The following SCN11A variants were observed in gnomAD, a reference collection of about 807,000 sequenced individuals.
The protein encoded by SCN11A is sodium voltage-gated channel alpha subunit 11.
SCN11A carries 122 observed loss-of-function variants against 162.2 expected under a neutral mutation model. That is an observed-to-expected ratio of 0.75 (90% CI 0.65 to 0.87). SCN11A has a LOEUF of 0.87. Among genes scored for constraint, SCN11A ranks in the 40% least tolerant of loss-of-function variants. The pLI is 0.00. For synonymous variants in SCN11A, 758 were observed against 751.5 expected (o/e 1.01, Z -0.14); for missense variants, 2,015 against 2,181.6 (o/e 0.92, Z 1.52).
chr3:38,934,248 C>T (rs1173102818), intron 7 of SCN11A, among the ~76,000 whole-genome samples: 1 of 152,190 alleles, frequency 6.6e-6, no homozygotes, highest in Non-Finnish European at 1.5e-5. Flanking sequence ...AAAGAACAAC[C>T]GATACCAGCC....
chr3:38,964,461 G>C (rs1415678996), intron 2 of SCN11A, among the ~76,000 whole-genome samples: 5 of 152,190 alleles, frequency 3.3e-5, no homozygotes, highest in Non-Finnish European at 7.3e-5. Context: ...AGAAAGAACA[G>C]GTGTGCTGAG....
chr3:38,847,317 C>T lies in SCN11A; in HGVS notation c.4753G>A (p.Val1585Ile). 1 of 1,614,176 alleles carries T rather than the reference C, an allele frequency of 6.2e-7. No individual in the cohort carries two copies. The highest frequency in any genetic ancestry group is 8.5e-7 in the Non-Finnish European group (1 of 1,180,024). The change falls in exon 30 of 30, where the codon GTC (valine) becomes ATC (isoleucine). Residue 1585 changes from valine (V) to isoleucine (I), a missense_variant. By Grantham distance (29) the Val-to-Ile change is conservative (BLOSUM62 3). Coordinates refer to ENST00000302328, the MANE Select transcript of SCN11A (RefSeq NM_001349253.2). ...HLPGIATSYFVSYIIISFLIV... is the reference protein window; with the variant it reads ...HLPGIATSYFISYIIISFLIV... ...AGAAAGGAGATGATAATGTAACTGA[C>T]AAAGTAGGATGTGGCTATGCCAGGG...
Position 38,886,249 on chromosome 3 carries a change from G to A in SCN11A, c.2836-11C>T, listed in dbSNP as rs2065398836. On this transcript the variant is annotated splice_polypyrimidine_tract_variant and intron_variant, in intron 19 of 29. Transcript: ENST00000302328. The stretch of plus-strand genomic sequence containing the variant: ...ATGGAGCTCATAGGCCTAACACAGA[G>A]AGCCCAGAATAGAATTAATATTCCT... 6.4e-7 allele frequency: 1 copy of A among 1,564,296 alleles called. No individual in the cohort carries two copies. Among genetic ancestry groups the A allele is most frequent in the South Asian group, 1.1e-5 (1 of 89,630 alleles).
intron 1 of SCN11A, among the ~76,000 whole-genome samples, chr3:39,047,757 C>T (rs969424975): frequency 1.3e-5 from 2 of 151,798 alleles, no homozygotes; most frequent in Non-Finnish European, 2.9e-5. Flanking sequence ...TATAAATAGC[C>T]AACAAATACA....
At chr3:38,886,535 T>C (rs1177690078) in intron 19 of SCN11A, among the ~76,000 whole-genome samples, 1 of 152,172 alleles carries the variant, frequency 6.6e-6, no homozygotes, top group Non-Finnish European at 1.5e-5. Context: ...AGATTTAATA[T>C]AATTTACATG....
chr3:39,006,107 CT>C (rs1473228905), intron 2 of SCN11A, among the ~76,000 whole-genome samples: 2 of 152,158 alleles, frequency 1.3e-5, no homozygotes, highest in Admixed American at 1.3e-4. Flanking sequence ...GATAAGAAGG[CT>C]TATGACAATC....
At position 38,925,406 on chromosome 3, in the gene SCN11A, G is replaced by A. The variant is rs1202469280; in HGVS notation, c.712+9C>T. The A allele has an allele frequency of 1.3e-6, 2 of 1,579,650 alleles. No individual in the cohort carries two copies. The highest frequency in any genetic ancestry group is 2.7e-5 in the African/African-American group (2 of 74,172). On this transcript the variant is annotated intron_variant, in intron 9 of 29. Transcript: ENST00000302328. ...ATAGGAGCCAGTGTGGAAAGTGAGA[G>A]TGACTTACGTGAAACTACTGAAATT...
intron 18 of SCN11A, among the ~76,000 whole-genome samples, chr3:38,896,496 T>G (rs957737950): frequency 2.6e-4 from 40 of 152,214 alleles, no homozygotes; most frequent in African/African-American, 9.2e-4. Context: ...AACAAAAGAT[T>G]GTTCCCAAAT....
intron 2 of SCN11A, among the ~76,000 whole-genome samples, chr3:39,001,051 A>G (rs2030796479): frequency 6.6e-6 from 1 of 152,200 alleles, no homozygotes; most frequent in African/African-American, 2.4e-5. Flanking sequence ...AACAAAAACA[A>G]AAACAAAATC....
intron 5 of SCN11A, among the ~76,000 whole-genome samples, chr3:38,948,532 A>G (rs534482934): frequency 5.3e-5 from 8 of 152,288 alleles, no homozygotes; most frequent in Admixed American, 3.9e-4. Flanking sequence ...TCCTAGCTCC[A>G]CCACTCACTG....
chr3:38,853,437 C>T (rs575444208), intron 28 of SCN11A, among the ~76,000 whole-genome samples: 14 of 152,112 alleles, frequency 9.2e-5, no homozygotes, highest in Non-Finnish European at 1.9e-4. Flanking sequence ...CAGATTAAAC[C>T]TCCCCAAATA....
At chr3:38,897,854 C>T (rs993149488) in intron 17 of SCN11A, among the ~76,000 whole-genome samples, 16 of 152,052 alleles carry the variant, frequency 1.1e-4, no homozygotes, top group South Asian at 4.1e-4. Flanking sequence ...CAAGCGTCAG[C>T]GAACTCTGGC....
chr3:38,962,304 G>A (rs548825970), intron 2 of SCN11A, among the ~76,000 whole-genome samples: 23 of 152,224 alleles, frequency 1.5e-4, no homozygotes, highest in African/African-American at 3.1e-4. Flanking sequence ...GTAGTGTGAC[G>A]CCTCCAGATT....
At chr3:39,017,849 T>G (rs1405896740) in intron 2 of SCN11A, among the ~76,000 whole-genome samples, 2 of 152,372 alleles carry the variant, frequency 1.3e-5, no homozygotes, top group African/African-American at 4.8e-5. Flanking sequence ...ATCTCCTTAT[T>G]ATGGGTCATA....
intron 7 of SCN11A, among the ~76,000 whole-genome samples, chr3:38,933,682 T>C (rs1166659032): frequency 2.0e-5 from 3 of 152,074 alleles, no homozygotes; most frequent in Admixed American, 2.0e-4. Flanking sequence ...GAAAAAAGAA[T>C]AAAAAGAAAC....
chr3:38,857,057 G>A (rs2064881913), intron 28 of SCN11A, among the ~76,000 whole-genome samples: 1 of 152,056 alleles, frequency 6.6e-6, no homozygotes, highest in African/African-American at 2.4e-5. Context: ...AAGTGAAAAG[G>A]AACCAGAAAA....
At chr3:39,044,945 A>G (rs2032149366) in intron 1 of SCN11A, among the ~76,000 whole-genome samples, 1 of 151,788 alleles carries the variant, frequency 6.6e-6, no homozygotes, top group Admixed American at 6.5e-5. Context: ...CAACAACCCA[A>G]ATAAATAAAA....
At chr3:38,955,117 C>G (rs1043914942) in intron 3 of SCN11A, among the ~76,000 whole-genome samples, 1 of 152,118 alleles carries the variant, frequency 6.6e-6, no homozygotes, top group Non-Finnish European at 1.5e-5. Context: ...GGTGAAAACC[C>G]ATCTCTACTA....
chr3:38,953,570 A>G (rs77657341), intron 4 of SCN11A, among the ~76,000 whole-genome samples, 59 bp downstream of exon 4: 9,503 of 152,296 alleles, frequency 0.062, 335 homozygotes, highest in Middle Eastern at 0.092. Context: ...TTTGAGAGTT[A>G]ATAAATAGCC....
Sources: gnomAD v4.1 joint callset for allele counts (sites outside exome capture counted in the v4.1 genomes callset) on GRCh38, gnomAD v4.1.1 for gene constraint, MANE v1.5 for transcripts, NCBI Gene and HGNC (gene_info 2026-07-23, HGNC 2026-07-21) for gene names.